Variants in SUCLG2 observed in about 807,000 individuals in gnomAD.
SUCLG2 encodes the protein succinate-CoA ligase GDP-forming subunit beta.
SUCLG2 carries 42 observed loss-of-function variants against 47.9 expected under a neutral mutation model. The ratio of observed to expected loss-of-function variants is 0.88; its 90% CI spans 0.69 to 1.14. The LOEUF is 1.14. Among genes scored for constraint, SUCLG2 ranks in the 50% most tolerant of loss-of-function variants. SUCLG2 has a pLI of 0.00. For synonymous variants in SUCLG2, 195 were observed against 197.3 expected (o/e 0.99, Z 0.10); for missense variants, 571 against 525.9 (o/e 1.09, Z -0.84).
At chr3:67,615,466 C>T (rs1700608436) in intron 1 of SUCLG2, among the ~76,000 whole-genome samples, 2 of 152,110 alleles carry the variant, frequency 1.3e-5, no homozygotes, top group South Asian at 4.2e-4. Context: ...CTCGACTTTG[C>T]ACACTAGTAC....
At chr3:67,506,031 C>T (rs923370557) in intron 7 of SUCLG2, among the ~76,000 whole-genome samples, 12 of 152,050 alleles carry the variant, frequency 7.9e-5, no homozygotes, top group African/African-American at 2.9e-4. Context: ...CAATGTGATG[C>T]TGAGCTCCTT....
At chr3:67,591,373 G>C (rs1708161180) in intron 2 of SUCLG2, among the ~76,000 whole-genome samples, 3 of 152,150 alleles carry the variant, frequency 2.0e-5, no homozygotes, top group African/African-American at 7.2e-5. Flanking sequence ...GATTGAAAAA[G>C]TCAAAACCCC....
At chr3:67,560,992 C>T (rs982501308) in intron 2 of SUCLG2, among the ~76,000 whole-genome samples, 7 of 148,500 alleles carry the variant, frequency 4.7e-5, no homozygotes, top group African/African-American at 1.8e-4. Context: ...ACAAACTCAG[C>T]AAGTTAATAC....
intron 9 of SUCLG2, among the ~76,000 whole-genome samples, chr3:67,423,967 A>G (rs1289141108): frequency 6.6e-6 from 1 of 152,184 alleles, no homozygotes; most frequent in Non-Finnish European, 1.5e-5. Context: ...CACTTCATGA[A>G]GTCTCTAAAG....
chr3:67,592,519 C>T (rs935723804), intron 2 of SUCLG2, among the ~76,000 whole-genome samples: 20 of 152,122 alleles, frequency 1.3e-4, no homozygotes, highest in African/African-American at 4.6e-4. Flanking sequence ...CCAAATATGC[C>T]GAGCAAGTTA....
At chr3:67,389,479 C>T (rs897548107) in intron 10 of SUCLG2, among the ~76,000 whole-genome samples, 2 of 152,128 alleles carry the variant, frequency 1.3e-5, no homozygotes, top group South Asian at 4.1e-4. Context: ...AAATGAAAAA[C>T]CAACCAAAAC....
intron 10 of SUCLG2, among the ~76,000 whole-genome samples, chr3:67,397,112 C>T (rs1366926262): frequency 6.6e-6 from 1 of 151,434 alleles, no homozygotes; most frequent in Non-Finnish European, 1.5e-5. Context: ...AAAACTGGCA[C>T]AAGACAGGGA....
intron 7 of SUCLG2, among the ~76,000 whole-genome samples, chr3:67,500,599 G>A (rs1705471359): frequency 1.3e-5 from 2 of 152,128 alleles, no homozygotes; most frequent in African/African-American, 4.8e-5. Flanking sequence ...GCTTGCTACA[G>A]GGGAATTTTC....
intron 1 of SUCLG2, among the ~76,000 whole-genome samples, chr3:67,643,239 G>A (rs1364460758): frequency 6.6e-6 from 1 of 152,116 alleles, no homozygotes; most frequent in Non-Finnish European, 1.5e-5. Context: ...TTTATTCTGT[G>A]ACTTAAACTA....
chr3:67,495,555 GGAA>G (rs1470610270), intron 9 of SUCLG2, among the ~76,000 whole-genome samples: 1 of 151,772 alleles, frequency 6.6e-6, no homozygotes, highest in Admixed American at 6.6e-5. Context: ...AAGAGGCTGA[GGAA>G]GAAGAATCGC....
At chr3:67,383,359 AAC>A (rs1177049921) in intron 10 of SUCLG2, among the ~76,000 whole-genome samples, 3 of 152,216 alleles carry the variant, frequency 2.0e-5, no homozygotes, top group Admixed American at 1.3e-4. Context: ...GTAGCTGAAC[AAC>A]CTGGGGAAGT....
chr3:67,423,395 G>A (rs1040382352), intron 9 of SUCLG2, among the ~76,000 whole-genome samples: 1 of 152,152 alleles, frequency 6.6e-6, no homozygotes. Context: ...AGCAACATGA[G>A]AATGGACTAA....
chr3:67,503,845 G>C (rs1305421592), intron 7 of SUCLG2, among the ~76,000 whole-genome samples: 1 of 152,158 alleles, frequency 6.6e-6, no homozygotes, highest in Admixed American at 6.5e-5. Context: ...TTGTTTAGTG[G>C]CGTGAGATTC....
intron 2 of SUCLG2, among the ~76,000 whole-genome samples, chr3:67,548,440 A>T (rs1390281279): frequency 6.6e-6 from 1 of 152,264 alleles, no homozygotes; most frequent in African/African-American, 2.4e-5. Context: ...ATTCAGAGTA[A>T]GTTCCGTGCA....
chr3:67,614,541 A>G (rs957581311), intron 1 of SUCLG2, among the ~76,000 whole-genome samples: 2 of 151,882 alleles, frequency 1.3e-5, no homozygotes, highest in African/African-American at 2.4e-5. Context: ...GTGCCTTACA[A>G]TCTTTCCGGC....
intron 9 of SUCLG2, among the ~76,000 whole-genome samples, chr3:67,482,525 A>C (rs780194605): frequency 6.6e-6 from 1 of 152,138 alleles, no homozygotes; most frequent in South Asian, 2.1e-4. Flanking sequence ...CCAAATATCT[A>C]TTCTTTGGAA....
Position 67,478,231 on chromosome 3 carries a change from C to G in SUCLG2, c.1062+17567G>C, listed in dbSNP as rs557649218. ...CCCATAGCCCTGAAGACGGCCACCA[C>G]GGCCACAATTTTATGGAATGACAAC... On this transcript the variant is annotated intron_variant, in intron 9 of 10. Coordinates refer to ENST00000307227, the MANE Select transcript of SUCLG2 (RefSeq NM_003848.4). Among the ~76,000 whole-genome samples, 3 of 152,206 alleles carry G rather than the reference C, an allele frequency of 2.0e-5. 1 individual carries two copies. Among genetic ancestry groups the G allele is most frequent in the South Asian group, 4.1e-4 (2 of 4,830 alleles).
chr3:67,585,769 C>G (rs142388276), intron 2 of SUCLG2, among the ~76,000 whole-genome samples: 2,332 of 151,944 alleles, frequency 0.015, 54 homozygotes, highest in African/African-American at 0.052. Context: ...TCAAGACCAG[C>G]CTGGCTGACA....
intron 7 of SUCLG2, among the ~76,000 whole-genome samples, chr3:67,505,722 G>A (rs1412702509): frequency 6.6e-6 from 1 of 152,216 alleles, no homozygotes; most frequent in Non-Finnish European, 1.5e-5. Context: ...AGCACTTTGG[G>A]AGGCCGAGGT....
Sources: gnomAD v4.1 joint callset for allele counts (sites outside exome capture counted in the v4.1 genomes callset) on GRCh38, gnomAD v4.1.1 for gene constraint, MANE v1.5 for transcripts, NCBI Gene and HGNC (gene_info 2026-07-23, HGNC 2026-07-21) for gene names.